Variants in WAPL observed in about 807,000 individuals in gnomAD.
WAPL encodes the protein WAPL cohesin release factor, also known as wings apart-like protein homolog.
WAPL carries 5 observed loss-of-function variants against 121.0 expected under a neutral mutation model. The ratio of observed to expected loss-of-function variants is 0.04; its 90% CI spans 0.02 to 0.09. The LOEUF is 0.09. WAPL is among the 10% of genes least tolerant of loss of function. The pLI, the probability that WAPL is intolerant of heterozygous loss-of-function variation, is 1.00. For synonymous variants in WAPL, 480 were observed against 481.5 expected (o/e 1.00, Z 0.04); for missense variants, 999 against 1,410.8 (o/e 0.71, Z 4.68).
Position 86,460,462 on chromosome 10 carries a change from C to T in WAPL, c.2517G>A (p.Glu839=). 9.3e-6 allele frequency: 15 copies of T among 1,613,528 alleles called. No individual in the cohort carries two copies. The highest frequency in any genetic ancestry group is 1.2e-5 in the Non-Finnish European group (14 of 1,179,914). The change falls in exon 11 of 19, where the codon GAG becomes GAA. Residue 839 remains glutamate, a synonymous_variant. Transcript: ENST00000298767. ...GTGAGGCTACCAGTTTCTCTTCATCCTCATCTCTACTTAAATGATCCACAC... is the reference window on the plus strand; with the variant it reads ...GTGAGGCTACCAGTTTCTCTTCATCTTCATCTCTACTTAAATGATCCACAC... ...KECVDHLSRD[E]DEEKLVASLW...
In WAPL at chr10:86,500,605, G is replaced by A. The variant is rs267602601; in HGVS notation, c.638C>T (p.Ser213Phe). 3 of 1,614,048 alleles carry A rather than the reference G, an allele frequency of 1.9e-6. No individual in the cohort carries two copies. In the South Asian group the frequency reaches 3.3e-5, roughly 18 times the overall value. The part of the protein sequence containing the change: ...EIKETNDTWN[S>F]QFGKRPESPS... ...TGATTCTGGCCTTTTCCCAAACTGGGAGTTCCAAGTATCATTTGTTTCCTT... is the reference window on the plus strand; with the variant it reads ...TGATTCTGGCCTTTTCCCAAACTGGAAGTTCCAAGTATCATTTGTTTCCTT... The change falls in exon 3 of 19, where the codon TCC (serine) becomes TTC (phenylalanine). Residue 213 changes from serine to phenylalanine, a missense_variant. Physicochemically the swap from Ser to Phe is radical, Grantham distance 155 (BLOSUM62 -2). Transcript: ENST00000298767.
intron 2 of WAPL, among the ~76,000 whole-genome samples, chr10:86,516,741 C>T (rs1317243787): frequency 6.6e-6 from 1 of 152,048 alleles, no homozygotes; most frequent in Non-Finnish European, 1.5e-5. Context: ...ATACTAGATG[C>T]TATATTTACA....
At chr10:86,479,521 T>C (rs1201839779) in intron 4 of WAPL, among the ~76,000 whole-genome samples, 1 of 152,224 alleles carries the variant, frequency 6.6e-6, no homozygotes, top group Non-Finnish European at 1.5e-5. Context: ...CCCAAAGTGC[T>C]GGGACTACTG....
rs762371125 is a variant in WAPL, at chr10:86,472,633, T to C, written c.1872A>G (p.Lys624=). The C allele has an allele frequency of 6.2e-7, 1 of 1,613,810 alleles. No individual in the cohort carries two copies. The highest frequency in any genetic ancestry group is 1.1e-5 in the South Asian group (1 of 91,038). The change falls in exon 6 of 19, where the codon AAA becomes AAG. Residue 624 remains lysine, a synonymous_variant. Transcript: ENST00000298767. This position sits in a 1 kb window ranked among gnomAD's most constrained non-coding sequence, Gnocchi z 4.2. ...QPYQDIVTAL[K]CRREDKELYT... ...TTACTTCTTTGTCTTCTCGTCTGCA[T>C]TTCAGTGCAGTAACTATATCTTGGT... is the stretch of plus-strand genomic sequence containing the variant.
Position 86,462,176 on chromosome 10 carries a change from G to T in WAPL, c.2371-889C>A, listed in dbSNP as rs1841292676. Among the ~76,000 whole-genome samples, 4 of 152,148 alleles carry T rather than the reference G, an allele frequency of 2.6e-5. No homozygotes were observed. In the South Asian group the frequency reaches 8.3e-4, roughly 32 times the overall value. ...CCCAACAAAGAGCAATTTGGTTCCT[G>T]CTGCAATAAAGAACTTCAGCATAAC... is the stretch of plus-strand genomic sequence containing the variant. On this transcript the variant is annotated intron_variant, in intron 9 of 18. Coordinates refer to ENST00000298767, the MANE Select transcript of WAPL (RefSeq NM_015045.5).
intron 4 of WAPL, among the ~76,000 whole-genome samples, chr10:86,495,444 G>A (rs908303519): frequency 2.6e-5 from 4 of 152,028 alleles, no homozygotes; most frequent in Non-Finnish European, 5.9e-5. Flanking sequence ...TCCAGCCTGG[G>A]TGAGAGTGAG....
chr10:86,465,785 A>AC (rs1841383792), intron 9 of WAPL, among the ~76,000 whole-genome samples: 1 of 152,148 alleles, frequency 6.6e-6, no homozygotes. Context: ...TGGATTTATC[A>AC]GACTCTTTGG....
At chr10:86,447,099 A>G (rs1305555298) in intron 15 of WAPL, among the ~76,000 whole-genome samples, 2 of 152,238 alleles carry the variant, frequency 1.3e-5, no homozygotes, top group African/African-American at 2.4e-5. Flanking sequence ...CACTCATACT[A>G]CTACTAAGGG....
intron 12 of WAPL, among the ~76,000 whole-genome samples, chr10:86,457,327 T>TAA (rs10668599): frequency 0.35 from 39,140 of 111,078 alleles, 7,740 homozygotes; most frequent in Non-Finnish European, 0.42. Context: ...CTGTATCTAT[T>TAA]AAAAAAAAAA....
At position 86,491,025 on chromosome 10, in the gene WAPL, C is replaced by T. The variant is rs181591752; in HGVS notation, c.1644+6176G>A. On this transcript the variant is annotated intron_variant, in intron 4 of 18. Transcript: ENST00000298767. ...TTGCAGTGAGCCGAGATCATGCCAC[C>T]GCACTCCAGCCTGGGTGACAGAGCA... Among the ~76,000 whole-genome samples the T allele has an allele frequency of 9.2e-3, 1,388 of 151,146 alleles. 27 individuals are homozygous for T. Among genetic ancestry groups the T allele is most frequent in the African/African-American group, 0.032 (1,314 of 41,176 alleles).
intron 4 of WAPL, among the ~76,000 whole-genome samples, chr10:86,487,932 C>T (rs1393685100): frequency 6.6e-6 from 1 of 152,036 alleles, no homozygotes; most frequent in African/African-American, 2.4e-5. Flanking sequence ...TTAATGCTTT[C>T]TAACACAGGG....
At chr10:86,442,908 T>G (rs1396526009) in intron 17 of WAPL, among the ~76,000 whole-genome samples, 1 of 151,864 alleles carries the variant, frequency 6.6e-6, no homozygotes, top group Non-Finnish European at 1.5e-5. Context: ...CCGGGGGCGG[T>G]GGCAGGCGCC....
chr10:86,477,037 G>A (rs1299012548), intron 4 of WAPL, among the ~76,000 whole-genome samples: 2 of 152,206 alleles, frequency 1.3e-5, no homozygotes, highest in Non-Finnish European at 2.9e-5. Context: ...CTAAAGGGAA[G>A]TAGTCCAATT....
At chr10:86,485,879 A>G (rs1023149833) in intron 4 of WAPL, among the ~76,000 whole-genome samples, 1 of 152,222 alleles carries the variant, frequency 6.6e-6, no homozygotes, top group Non-Finnish European at 1.5e-5. Flanking sequence ...AAAGTCATGT[A>G]GTAAACACCA....
At chr10:86,501,689 T>C (rs970629459) in intron 2 of WAPL, among the ~76,000 whole-genome samples, 1 of 152,226 alleles carries the variant, frequency 6.6e-6, no homozygotes, top group African/African-American at 2.4e-5. Flanking sequence ...TAGGTTTTCC[T>C]GCCCTCAAGA....
At chr10:86,450,530 C>T (rs1375203820) in intron 15 of WAPL, among the ~76,000 whole-genome samples, 3 of 152,152 alleles carry the variant, frequency 2.0e-5, no homozygotes. Context: ...GCTACCTTGC[C>T]CGGCCAAGAA....
chr10:86,512,367 T>C (rs1236918877), intron 2 of WAPL, among the ~76,000 whole-genome samples: 1 of 152,248 alleles, frequency 6.6e-6, no homozygotes, highest in Non-Finnish European at 1.5e-5. Context: ...GCAGGATATG[T>C]AGACTGAATC....
intron 8 of WAPL, among the ~76,000 whole-genome samples, chr10:86,470,234 A>AT (rs1841506589): frequency 6.6e-6 from 1 of 151,980 alleles, no homozygotes. Flanking sequence ...GGATTTTACC[A>AT]TGTTGGCCAG....
chr10:86,437,163 A>G lies in WAPL; in HGVS notation c.*380T>C, dbSNP rs1849344015. ...TAAGCTGCCTTTGCACCTGGCTGGC[A>G]TGACAACAGTGGCTCAACATACACA... is the stretch of plus-strand genomic sequence containing the variant. On this transcript the variant is annotated 3_prime_UTR_variant, in exon 19 of 19. Transcript: ENST00000298767. 1 of 170,040 alleles carries G rather than the reference A, an allele frequency of 5.9e-6. No homozygotes were observed. Among genetic ancestry groups the G allele is most frequent in the African/African-American group, 2.4e-5 (1 of 41,980 alleles). 10.5% of individuals were successfully genotyped at this position (170,040 alleles called of 1,614,324 possible). A position where few individuals can be genotyped will look rare whatever the true frequency, so the allele number is the denominator to read the frequency against.
Sources: allele counts gnomAD v4.1 joint callset (sites outside exome capture counted in the v4.1 genomes callset), GRCh38; gene constraint gnomAD v4.1.1; non-coding constraint Gnocchi (gnomAD v3.1); transcripts MANE v1.5; gene names NCBI Gene and HGNC (gene_info 2026-07-23, HGNC 2026-07-21).